CHCHD3: variants seen among roughly 807,000 people sequenced by gnomAD.
CHCHD3 encodes the protein MICOS complex subunit MIC19.
A neutral mutation model predicts 38.2 loss-of-function variants in CHCHD3; 20 were observed. The observed-to-expected ratio is 0.52, with a 90% CI of 0.37 to 0.76. CHCHD3 has a LOEUF of 0.76. Among genes scored for constraint, CHCHD3 ranks in the 30% least tolerant of loss-of-function variants. CHCHD3 has a pLI of 0.00. For synonymous variants in CHCHD3, 82 were observed against 100.0 expected (o/e 0.82, Z 1.07); for missense variants, 245 against 279.2 (o/e 0.88, Z 0.87).
intron 4 of CHCHD3, among the ~76,000 whole-genome samples, chr7:132,921,323 A>C (rs1810257109): frequency 6.6e-6 from 1 of 152,206 alleles, no homozygotes. Flanking sequence ...ATATACTTGA[A>C]ATATACTTAC....
At chr7:132,819,634 C>T (rs1807293653) in intron 6 of CHCHD3, among the ~76,000 whole-genome samples, 1 of 152,218 alleles carries the variant, frequency 6.6e-6, no homozygotes, top group South Asian at 2.1e-4. Flanking sequence ...ACAGGCAACA[C>T]TGATGCCACT....
chr7:132,876,608 T>C (rs901410943), intron 5 of CHCHD3, among the ~76,000 whole-genome samples: 11 of 152,316 alleles, frequency 7.2e-5, no homozygotes, highest in African/African-American at 2.4e-4. Flanking sequence ...TCAGCACTTA[T>C]GATCATTACA....
At chr7:133,028,939 T>C (rs760387144) in intron 2 of CHCHD3, among the ~76,000 whole-genome samples, 2 of 150,570 alleles carry the variant, frequency 1.3e-5, no homozygotes, top group Non-Finnish European at 3.0e-5. Flanking sequence ...TGGACTAGCA[T>C]ACTGAGCCCC....
chr7:132,830,397 G>A lies in CHCHD3; in HGVS notation c.524+8002C>T, dbSNP rs192570623. 6.3e-3 allele frequency among the ~76,000 whole-genome samples: 955 copies of A among 152,274 alleles called. 8 individuals carry two copies. The highest frequency in any genetic ancestry group is 0.011 in the Non-Finnish European group (726 of 68,016). On this transcript the variant is annotated intron_variant, in intron 6 of 7. Transcript: ENST00000262570. Reference sequence around the variant, plus strand: ...ATCATCTACAACTTTCCTAAAATGGGAGCCACTATCTTGCAGTTGAATAAA... The same window carrying A: ...ATCATCTACAACTTTCCTAAAATGGAAGCCACTATCTTGCAGTTGAATAAA...
At chr7:133,001,522 T>A (rs199847740) in intron 3 of CHCHD3, among the ~76,000 whole-genome samples, 2 of 151,640 alleles carry the variant, frequency 1.3e-5, no homozygotes, top group Non-Finnish European at 2.9e-5. Flanking sequence ...AACTAAGTTG[T>A]TTTTTTTAAT....
chr7:132,838,509 G>A (rs1263420101), intron 5 of CHCHD3, 40 bp from the exon 6 acceptor site: 12 of 1,429,734 alleles, frequency 8.4e-6, no homozygotes, highest in Non-Finnish European at 1.2e-5. Flanking sequence ...CACTATCCAA[G>A]ATGACAAAAT....
chr7:133,072,437 T>C (rs777049059), intron 1 of CHCHD3, among the ~76,000 whole-genome samples: 15 of 152,160 alleles, frequency 9.9e-5, no homozygotes, highest in Non-Finnish European at 1.9e-4. Context: ...TGTATCTCTA[T>C]TTTATAGGTG....
At chr7:132,808,232 C>T (rs745861282) in intron 6 of CHCHD3, among the ~76,000 whole-genome samples, 5 of 152,136 alleles carry the variant, frequency 3.3e-5, no homozygotes, top group Non-Finnish European at 7.4e-5. Flanking sequence ...AGGTGTAACA[C>T]GAGCATTTGG....
At chr7:132,819,727 C>G (rs990720979) in intron 6 of CHCHD3, among the ~76,000 whole-genome samples, 1 of 152,142 alleles carries the variant, frequency 6.6e-6, no homozygotes, top group Non-Finnish European at 1.5e-5. Context: ...AGGGAGGTGT[C>G]TAGAAAGACT....
chr7:132,897,506 C>T (rs1809530444), intron 4 of CHCHD3, among the ~76,000 whole-genome samples: 2 of 152,148 alleles, frequency 1.3e-5, no homozygotes, highest in Admixed American at 6.5e-5. Flanking sequence ...AGGAAGTAAG[C>T]GAGGCTCCAA....
chr7:132,989,625 C>A (rs1351239818), intron 3 of CHCHD3, among the ~76,000 whole-genome samples: 1 of 152,192 alleles, frequency 6.6e-6, no homozygotes, highest in Non-Finnish European at 1.5e-5. Context: ...TTTTCTCCTA[C>A]TGCACTGAAA....
chr7:133,070,573 C>A (rs1239422974), intron 1 of CHCHD3, among the ~76,000 whole-genome samples: 1 of 152,126 alleles, frequency 6.6e-6, no homozygotes, highest in Non-Finnish European at 1.5e-5. Flanking sequence ...CTTATTCATG[C>A]ATTAATGGGC....
At chr7:133,045,360 T>A (rs539301524) in intron 2 of CHCHD3, among the ~76,000 whole-genome samples, 2 of 152,314 alleles carry the variant, frequency 1.3e-5, no homozygotes, top group Admixed American at 1.3e-4. Flanking sequence ...CAGTGCACTC[T>A]AACATTCTAT....
intron 4 of CHCHD3, among the ~76,000 whole-genome samples, chr7:132,925,010 A>T (rs1406336869): frequency 6.6e-6 from 1 of 152,200 alleles, no homozygotes; most frequent in Non-Finnish European, 1.5e-5. Context: ...AAGCAAAATG[A>T]CATGCTCAAA....
intron 4 of CHCHD3, among the ~76,000 whole-genome samples, chr7:132,940,924 G>A (rs1464402636): frequency 1.3e-5 from 2 of 152,016 alleles, no homozygotes; most frequent in Non-Finnish European, 2.9e-5. Flanking sequence ...GAGTCCAGGG[G>A]AAATCTTAGA....
chr7:133,049,634 A>C (rs1456055379), intron 2 of CHCHD3, among the ~76,000 whole-genome samples: 1 of 152,238 alleles, frequency 6.6e-6, no homozygotes, highest in Non-Finnish European at 1.5e-5. Context: ...TGAGAAGCAA[A>C]GTATGTTTGA....
intron 3 of CHCHD3, among the ~76,000 whole-genome samples, chr7:133,018,108 C>G (rs2117427574): frequency 6.6e-6 from 1 of 152,120 alleles, no homozygotes; most frequent in Middle Eastern, 3.4e-3. Context: ...AAAAAAACAG[C>G]AAAAATATGA....
chr7:132,835,092 TC>T, intron 6 of CHCHD3, among the ~76,000 whole-genome samples: 1 of 151,004 alleles, frequency 6.6e-6, no homozygotes, highest in South Asian at 2.1e-4. Flanking sequence ...CACCTGAGCC[TC>T]CCTCCCCAGT....
At chr7:132,906,171 T>C (rs1359460543) in intron 4 of CHCHD3, among the ~76,000 whole-genome samples, 2 of 152,236 alleles carry the variant, frequency 1.3e-5, no homozygotes, top group Non-Finnish European at 2.9e-5. Context: ...TACAATGTTA[T>C]CTATCAATTT....
Sources: gnomAD v4.1 joint callset for allele counts (sites outside exome capture counted in the v4.1 genomes callset) on GRCh38, gnomAD v4.1.1 for gene constraint, MANE v1.5 for transcripts, NCBI Gene and HGNC (gene_info 2026-07-23, HGNC 2026-07-21) for gene names.